The following NIPSNAP2 variants were observed in gnomAD, a reference collection of about 807,000 sequenced individuals.
NIPSNAP2 encodes protein NipSnap homolog 2.
A neutral mutation model predicts 48.4 loss-of-function variants in NIPSNAP2; 42 were observed. The ratio of observed to expected loss-of-function variants is 0.87; its 90% CI spans 0.68 to 1.12. NIPSNAP2 has a LOEUF of 1.12. Ranked by LOEUF, NIPSNAP2 falls within the 50% of genes most tolerant of loss-of-function variation. The pLI is 0.00. For missense variants in NIPSNAP2, 314 were observed against 347.3 expected (o/e 0.90, Z 0.76); for synonymous variants, 158 against 126.6 (o/e 1.25, Z -1.67).
At chr7:55,995,800 T>C (rs1787550649) in intron 8 of NIPSNAP2, among the ~76,000 whole-genome samples, 1 of 152,106 alleles carries the variant, frequency 6.6e-6, no homozygotes, top group South Asian at 2.1e-4. Context: ...GGAGCTCTCA[T>C]AGAGGCTGTG....
At chr7:55,984,763 A>T in intron 6 of NIPSNAP2, 84 bp from the exon 7 acceptor site, 1 of 1,070,808 alleles carries the variant, frequency 9.3e-7, no homozygotes, top group Non-Finnish European at 1.4e-6. Context: ...TTTGTCACTT[A>T]ATGTTTTTTC....
chr7:55,969,290 G>T (rs12668532), intron 1 of NIPSNAP2, among the ~76,000 whole-genome samples: 28,099 of 151,904 alleles, frequency 0.18, 3,107 homozygotes, highest in East Asian at 0.35. Context: ...GGGAGCTGCT[G>T]CTTTAAGGCA....
chr7:55,985,222 CT>C (rs550021193), intron 7 of NIPSNAP2, among the ~76,000 whole-genome samples: 1 of 151,826 alleles, frequency 6.6e-6, no homozygotes, highest in African/African-American at 2.4e-5. Context: ...AGATAAGCAC[CT>C]TTTTTTTAAA....
Position 55,999,000 on chromosome 7 carries a change from G to C in NIPSNAP2, c.797-8G>C, listed in dbSNP as rs1562771016. ...TAACAAGTGCAGTAACCCTGATCTT[G>C]TTTTCAGTTCCACTTATTCAGGAAA... On this transcript the variant is annotated splice_region_variant and splice_polypyrimidine_tract_variant and intron_variant, in intron 9 of 9. Transcript: ENST00000322090. 1 of 1,613,102 alleles carries C rather than the reference G, an allele frequency of 6.2e-7. No homozygotes were observed. Among genetic ancestry groups the C allele is most frequent in the Non-Finnish European group, 8.5e-7 (1 of 1,179,184 alleles).
At chr7:55,981,099 C>G (rs531573323) in intron 3 of NIPSNAP2, 2 of 154,320 alleles carry the variant, frequency 1.3e-5, no homozygotes, top group South Asian at 4.1e-4. Context: ...TTCCCCGTCT[C>G]TCATTCTTCT....
intron 6 of NIPSNAP2, among the ~76,000 whole-genome samples, chr7:55,984,352 G>C (rs1787283804): frequency 6.6e-6 from 1 of 152,164 alleles, no homozygotes; most frequent in South Asian, 2.1e-4. Context: ...CAAGGTTGGA[G>C]GATTGCTTGA....
At chr7:55,979,825 G>GAA (rs1369201281) in intron 3 of NIPSNAP2, 1 of 456,506 alleles carries the variant, frequency 2.2e-6, no homozygotes, top group East Asian at 6.9e-5. Flanking sequence ...CCAATAATGG[G>GAA]ATTCTGCCCA....
At chr7:55,983,983 A>ATGTATATATG (rs1423353223) in intron 6 of NIPSNAP2, 115 bp downstream of exon 6, 1 of 642,304 alleles carries the variant, frequency 1.6e-6, no homozygotes, top group East Asian at 3.1e-5. Context: ...CTAGCATTAT[A>ATGTATATATG]TGTATATATA....
chr7:55,995,080 T>TA lies in NIPSNAP2; in HGVS notation c.712+94dup, dbSNP rs1169502019. 6 of 1,044,834 alleles carry TA rather than the reference T, an allele frequency of 5.7e-6. No individual in the cohort carries two copies. The African/African-American group carries it at 6.3e-5, about 11-fold the overall frequency. 64.7% of individuals were successfully genotyped at this position (1,044,834 alleles called of 1,614,324 possible). ...AGAGCACATCTTGAGTCAGTAACCT[T>TA]AACCACTACAGCAAATCCGACGTCA... On this transcript the variant is annotated intron_variant, in intron 8 of 9. Transcript: ENST00000322090.
chr7:55,995,319 C>T (rs551479864), intron 8 of NIPSNAP2, among the ~76,000 whole-genome samples: 2 of 152,306 alleles, frequency 1.3e-5, no homozygotes, highest in African/African-American at 4.8e-5. Context: ...CTGCTTACTT[C>T]CTCGACAGAG....
chr7:55,984,002 T>A, intron 6 of NIPSNAP2, 134 bp downstream of exon 6: 1 of 641,714 alleles, frequency 1.6e-6, no homozygotes, highest in Admixed American at 3.7e-5. Flanking sequence ...TATGTATTTT[T>A]TTAAGACTGG....
At chr7:55,984,785 G>T in intron 6 of NIPSNAP2, 62 bp from the exon 7 acceptor site, 1 of 1,353,192 alleles carries the variant, frequency 7.4e-7, no homozygotes. Context: ...ACTGCTGTTT[G>T]CTATTTCTGT....
chr7:55,964,593 C>A lies in NIPSNAP2; in HGVS notation c.-17C>A. The A allele has an allele frequency of 1.0e-6, 1 of 1,000,448 alleles. No homozygotes were observed. Among genetic ancestry groups the A allele is most frequent in the African/African-American group, 1.7e-5 (1 of 57,254 alleles). The allele number at this position is 1,000,448 out of a possible 1,614,324, so 62.0% of individuals were successfully genotyped here. A position where few individuals can be genotyped will look rare whatever the true frequency, so the allele number is the denominator to read the frequency against. ...AGCGGCGGCGCCCGGGCGGTGGGAG[C>A]CGAGGCGCCGAGCAAGATGGCGGCG... On this transcript the variant is annotated 5_prime_UTR_variant, in exon 1 of 10. Transcript: ENST00000322090.
At chr7:55,987,808 A>G (rs1187731652) in intron 7 of NIPSNAP2, among the ~76,000 whole-genome samples, 1 of 152,180 alleles carries the variant, frequency 6.6e-6, no homozygotes, top group East Asian at 1.9e-4. Context: ...CTGGGCAGAG[A>G]GGGAATACGG....
chr7:55,994,926 A>T lies in NIPSNAP2; in HGVS notation c.650A>T (p.Asn217Ile). ...GCAATCCGCTTCAGACAGGATGGTAACGAAGCCGTCGGAGGATTCTTCTCT... is the reference window on the plus strand; with the variant it reads ...GCAATCCGCTTCAGACAGGATGGTATCGAAGCCGTCGGAGGATTCTTCTCT... ...ARAIRFRQDG[N>I]EAVGGFFSQI... is the part of the protein sequence containing the mutation. Residue 217 changes from asparagine (N) to isoleucine (I), a missense_variant, in exon 8 of 10, where the codon AAC becomes ATC. Asn to Ile is a moderately radical substitution (Grantham distance 149). Around this residue, in one of 2 missense-constraint regions of NIPSNAP2, gnomAD observed 116 missense variants for 161.8 expected, o/e 0.72. Coordinates refer to ENST00000322090, the MANE Select transcript of NIPSNAP2 (RefSeq NM_001483.3). The T allele has an allele frequency of 6.2e-7, 1 of 1,614,206 alleles. No homozygotes were observed. The highest frequency in any genetic ancestry group is 8.5e-7 in the Non-Finnish European group (1 of 1,180,026).
chr7:55,994,708 G>A (rs934798905), intron 7 of NIPSNAP2, among the ~76,000 whole-genome samples, 186 bp from the exon 8 acceptor site: 3 of 152,100 alleles, frequency 2.0e-5, no homozygotes, highest in Admixed American at 6.6e-5. Context: ...ATGAGACTCC[G>A]TCTCAAATAA....
chr7:55,982,592 A>G lies in NIPSNAP2; in HGVS notation c.444+312A>G, dbSNP rs143985622. Among the ~76,000 whole-genome samples the G allele has an allele frequency of 8.7e-3, 1,322 of 151,486 alleles. 21 individuals are homozygous for G. The highest frequency in any genetic ancestry group is 0.031 in the African/African-American group (1,260 of 41,290). ...TGAAACACTGTCTCTACTAAAAAAA[A>G]TACAAAAAAATTAGCCGGGCTTGGT... On this transcript the variant is annotated intron_variant, in intron 5 of 9. Coordinates refer to ENST00000322090, the MANE Select transcript of NIPSNAP2 (RefSeq NM_001483.3).
In NIPSNAP2 at chr7:55,976,039, A is replaced by AGTGTGTGTGTGT. The variant is rs60119988; in HGVS notation, c.93-2066_93-2055dup. Among the ~76,000 whole-genome samples, 11 of 150,428 alleles carry AGTGTGTGTGTGT rather than the reference A, an allele frequency of 7.3e-5. No homozygotes were observed. In the South Asian group the frequency reaches 2.3e-3, roughly 32 times the overall value. On this transcript the variant is annotated intron_variant, in intron 1 of 9. Transcript: ENST00000322090. ...CAACAGAGCGAGATTCTCTCAAAAA[A>AGTGTGTGTGTGT]GTGTGTGTGTGTGTGTGTGTGTGTG... is the stretch of plus-strand genomic sequence containing the variant.
chr7:55,964,784 C>T (rs1786855505), intron 1 of NIPSNAP2, 83 bp downstream of exon 1: 6 of 662,428 alleles, frequency 9.1e-6, no homozygotes, highest in Non-Finnish European at 1.2e-5. Flanking sequence ...CGCCGGTCTC[C>T]GCCCCGGCCC....
Sources: allele counts gnomAD v4.1 joint callset (sites outside exome capture counted in the v4.1 genomes callset), GRCh38; gene constraint gnomAD v4.1.1; regional missense constraint gnomAD v4.1.1; transcripts MANE v1.5; gene names NCBI Gene and HGNC (gene_info 2026-07-23, HGNC 2026-07-21).